Variants in CAST observed in about 807,000 individuals in gnomAD.
The protein encoded by CAST is MIR583 host.
A neutral mutation model predicts 119.6 loss-of-function variants in CAST; 76 were observed. The ratio of observed to expected loss-of-function variants is 0.64; its 90% confidence interval spans 0.53 to 0.77. The LOEUF is 0.77. CAST is among the 30% of genes least tolerant of loss of function. CAST has a pLI of 0.00. For synonymous variants in CAST, 319 were observed against 331.6 expected (o/e 0.96, Z 0.41); for missense variants, 953 against 946.5 (o/e 1.01, Z -0.09).
At chr5:96,583,394 A>C (rs1371486738) in intron 1 of CAST, among the ~76,000 whole-genome samples, 1 of 152,160 alleles carries the variant, frequency 6.6e-6, no homozygotes, top group Non-Finnish European at 1.5e-5. Flanking sequence ...ATTTTGAGAC[A>C]TTAAATGAAC....
intron 1 of CAST, among the ~76,000 whole-genome samples, chr5:96,655,706 G>C (rs553510504): frequency 1.1e-4 from 17 of 152,306 alleles, no homozygotes; most frequent in African/African-American, 3.9e-4. Flanking sequence ...CAAACTGTGG[G>C]CACAATAGTT....
the CAST span, among the ~76,000 whole-genome samples, chr5:96,059,673 A>G: frequency 5.9e-5 from 9 of 152,216 alleles, no homozygotes; most frequent in African/African-American, 2.4e-5. Flanking sequence ...AATGTGTCCA[A>G]TGCATCCAAA....
At chr5:96,491,091 A>G in the CAST span, among the ~76,000 whole-genome samples, 1 of 152,082 alleles carries the variant, frequency 6.6e-6, no homozygotes, top group Non-Finnish European at 1.5e-5. Context: ...GCACTTTACA[A>G]AAGAGAATAT....
the CAST span, among the ~76,000 whole-genome samples, chr5:96,211,154 T>C: frequency 6.6e-6 from 1 of 152,008 alleles, no homozygotes; most frequent in Non-Finnish European, 1.5e-5. Flanking sequence ...GTAATTTTTA[T>C]TTCCTTTTCT....
the CAST span, among the ~76,000 whole-genome samples, chr5:96,251,535 A>G: frequency 6.6e-6 from 1 of 152,174 alleles, no homozygotes; most frequent in African/African-American, 2.4e-5. Flanking sequence ...AAGTAAAACC[A>G]AAGAAAATGC....
At chr5:96,669,035 G>A (rs1028134051) in intron 1 of CAST, among the ~76,000 whole-genome samples, 4 of 152,308 alleles carry the variant, frequency 2.6e-5, no homozygotes, top group South Asian at 4.1e-4. Context: ...TCCTGGCAGC[G>A]CCTGCTGTTG....
At chr5:96,320,462 T>C in the CAST span, among the ~76,000 whole-genome samples, 1 of 152,048 alleles carries the variant, frequency 6.6e-6, no homozygotes, top group African/African-American at 2.4e-5. Flanking sequence ...GGTCTTGAGC[T>C]CCTGACCTCA....
the CAST span, among the ~76,000 whole-genome samples, chr5:96,155,561 A>G: frequency 6.6e-6 from 1 of 152,194 alleles, no homozygotes; most frequent in Non-Finnish European, 1.5e-5. Flanking sequence ...ACTGGGGGAT[A>G]TGTTCCGATG....
the CAST span, among the ~76,000 whole-genome samples, chr5:96,021,163 A>G: frequency 6.6e-6 from 1 of 152,194 alleles, no homozygotes; most frequent in Non-Finnish European, 1.5e-5. Context: ...GCAATGTGAT[A>G]TTGTTTAGTT....
chr5:96,693,021 G>A (rs989977251), intron 2 of CAST, among the ~76,000 whole-genome samples: 3 of 152,210 alleles, frequency 2.0e-5, no homozygotes, highest in Non-Finnish European at 4.4e-5. Context: ...AAAGTAAGGA[G>A]TCTGCTCTGT....
the CAST span, among the ~76,000 whole-genome samples, chr5:96,092,504 T>C: frequency 6.6e-6 from 1 of 152,222 alleles, no homozygotes; most frequent in African/African-American, 2.4e-5. Context: ...TAGGTTTTCA[T>C]GTAGCTTCAT....
At chr5:96,419,764 G>T in the CAST span, among the ~76,000 whole-genome samples, 2 of 151,660 alleles carry the variant, frequency 1.3e-5, no homozygotes, top group African/African-American at 4.8e-5. Flanking sequence ...CCCTGAGTCA[G>T]GGAAATTATA....
At chr5:96,040,213 C>T in the CAST span, among the ~76,000 whole-genome samples, 1 of 152,134 alleles carries the variant, frequency 6.6e-6, no homozygotes, top group Non-Finnish European at 1.5e-5. Flanking sequence ...GATTTTTGCA[C>T]ATTGATTTTG....
the CAST span, among the ~76,000 whole-genome samples, chr5:96,223,375 G>T: frequency 6.6e-6 from 1 of 152,008 alleles, no homozygotes; most frequent in Non-Finnish European, 1.5e-5. Flanking sequence ...AGTATTTGGG[G>T]TATCACATGT....
the CAST span, among the ~76,000 whole-genome samples, chr5:96,482,751 G>A: frequency 3.9e-5 from 6 of 152,104 alleles, no homozygotes; most frequent in South Asian, 2.1e-4. Context: ...CTGTGTGAAC[G>A]TGGCCTTCCA....
chr5:95,967,055 A>G, the CAST span, among the ~76,000 whole-genome samples: 24 of 152,332 alleles, frequency 1.6e-4, no homozygotes, highest in African/African-American at 5.5e-4. Flanking sequence ...GAAGAGTGGT[A>G]AAGAGTGACC....
chr5:96,555,400 C>A (rs961754256), intron 1 of CAST, among the ~76,000 whole-genome samples: 11 of 152,282 alleles, frequency 7.2e-5, no homozygotes, highest in Middle Eastern at 3.4e-3. Context: ...GTGCAGCGCA[C>A]CCAGCGTGAG....
chr5:95,974,213 T>C, the CAST span, among the ~76,000 whole-genome samples: 12 of 152,338 alleles, frequency 7.9e-5, no homozygotes, highest in South Asian at 2.5e-3. Flanking sequence ...GGAGTGTCAG[T>C]TGGTGGGAAC....
At chr5:96,251,443 T>C in the CAST span, among the ~76,000 whole-genome samples, 1 of 152,288 alleles carries the variant, frequency 6.6e-6, no homozygotes, top group East Asian at 1.9e-4. Context: ...CTGTTAACTT[T>C]TCTTTCTGCC....
Sources: allele counts gnomAD v4.1 joint callset (sites outside exome capture counted in the v4.1 genomes callset), GRCh38; gene constraint gnomAD v4.1.1; transcripts MANE v1.5; gene names NCBI Gene and HGNC (gene_info 2026-07-23, HGNC 2026-07-21).